The following LARGE1 variants were observed in gnomAD, a reference collection of about 807,000 sequenced individuals.
LARGE1 encodes the protein LARGE xylosyl- and glucuronyltransferase 1.
In LARGE1, 43 loss-of-function variants were observed where a neutral mutation model predicts 87.6. The observed-to-expected ratio is 0.49, with a 90% confidence interval of 0.38 to 0.63. The LOEUF (loss-of-function observed/expected upper bound fraction) is 0.63. LARGE1 is among the 30% of genes least tolerant of loss of function. The probability of loss-of-function intolerance (pLI) is 0.00; values close to 1 mark genes in which losing one functional copy is unlikely to be tolerated. For missense variants in LARGE1, 802 were observed against 1,000.2 expected (o/e 0.80, Z 2.67); for synonymous variants, 434 against 394.6 (o/e 1.10, Z -1.18).
chr22:33,478,982 T>C (rs1330181287), intron 6 of LARGE1, among the ~76,000 whole-genome samples: 2 of 152,146 alleles, frequency 1.3e-5, no homozygotes, highest in Admixed American at 1.3e-4. Context: ...CAAGGATTTT[T>C]ACTGTACAAC....
At chr22:33,489,459 C>G (rs895710968) in intron 6 of LARGE1, among the ~76,000 whole-genome samples, 1 of 152,084 alleles carries the variant, frequency 6.6e-6, no homozygotes, top group African/African-American at 2.4e-5. Context: ...ATTGTAGCTC[C>G]CATAATTTTT....
At chr22:33,111,340 C>G in the LARGE1 span, among the ~76,000 whole-genome samples, 5 of 152,286 alleles carry the variant, frequency 3.3e-5, no homozygotes, top group East Asian at 9.7e-4. Context: ...CTGGCCCCAG[C>G]TAACCCTTTG....
chr22:33,369,889 C>T (rs551385616), intron 9 of LARGE1, among the ~76,000 whole-genome samples: 1 of 151,166 alleles, frequency 6.6e-6, no homozygotes, highest in East Asian at 1.9e-4. Context: ...GACTTTTCTG[C>T]TGGTGTTGAG....
intron 12 of LARGE1, among the ~76,000 whole-genome samples, chr22:33,295,030 A>G (rs1010359430): frequency 6.6e-6 from 1 of 152,238 alleles, no homozygotes; most frequent in Non-Finnish European, 1.5e-5. Context: ...CCTAAAAAAG[A>G]TAACATTTGC....
chr22:33,282,566 CA>C (rs1470347195), intron 13 of LARGE1, among the ~76,000 whole-genome samples: 1 of 152,146 alleles, frequency 6.6e-6, no homozygotes, highest in African/African-American at 2.4e-5. Flanking sequence ...GGACAGGTGA[CA>C]GGGGAGCTCC....
At chr22:33,372,967 G>C (rs987940584) in intron 9 of LARGE1, among the ~76,000 whole-genome samples, 1 of 152,072 alleles carries the variant, frequency 6.6e-6, no homozygotes, top group African/African-American at 2.4e-5. Flanking sequence ...AAAGAAAAGA[G>C]CATTTCCTAT....
exon 12 of LARGE1, chr22:33,164,576 G>A (rs1277106405): frequency 6.6e-6 from 1 of 151,684 alleles, no homozygotes; most frequent in Non-Finnish European, 1.5e-5. Context: ...GGAGTGCAGT[G>A]GCGCGATCTC....
At chr22:33,869,218 C>T (rs896838875) in intron 1 of LARGE1, among the ~76,000 whole-genome samples, 5 of 152,130 alleles carry the variant, frequency 3.3e-5, no homozygotes, top group African/African-American at 9.7e-5. Context: ...TCTTGTCTGT[C>T]GGTTGGCTAC....
At chr22:33,849,765 A>G (rs1053728791) in intron 1 of LARGE1, among the ~76,000 whole-genome samples, 17 of 151,594 alleles carry the variant, frequency 1.1e-4, no homozygotes, top group African/African-American at 4.1e-4. Flanking sequence ...TGCCCAGCTA[A>G]CTTTTTTGTA....
At chr22:33,672,476 A>G (rs1423629223) in intron 2 of LARGE1, among the ~76,000 whole-genome samples, 1 of 152,164 alleles carries the variant, frequency 6.6e-6, no homozygotes, top group Non-Finnish European at 1.5e-5. Context: ...TTCCATGCTC[A>G]GCCAGCCCTG....
chr22:33,443,520 G>C (rs2067569036), intron 6 of LARGE1, among the ~76,000 whole-genome samples: 1 of 152,154 alleles, frequency 6.6e-6, no homozygotes, highest in South Asian at 2.1e-4. Flanking sequence ...ATTTCTTTCA[G>C]TGTTAATCCT....
chr22:33,226,756 G>C (rs920019263), intron 11 of LARGE1, among the ~76,000 whole-genome samples: 2 of 150,742 alleles, frequency 1.3e-5, no homozygotes, highest in Admixed American at 1.3e-4. Flanking sequence ...TTGAGACGGA[G>C]TCCCGCTCTT....
At chr22:33,211,923 A>C (rs558405909) in intron 11 of LARGE1, among the ~76,000 whole-genome samples, 1 of 152,346 alleles carries the variant, frequency 6.6e-6, no homozygotes, top group Admixed American at 6.5e-5. Flanking sequence ...AATCCAGGGC[A>C]AGACCCTAAC....
At chr22:33,372,641 C>T (rs1269296619) in intron 9 of LARGE1, among the ~76,000 whole-genome samples, 1 of 152,136 alleles carries the variant, frequency 6.6e-6, no homozygotes, top group Non-Finnish European at 1.5e-5. Context: ...ATTATTTCCA[C>T]CAGGTCCCTC....
intron 1 of LARGE1, among the ~76,000 whole-genome samples, chr22:33,848,144 G>A (rs987254102): frequency 4.6e-5 from 7 of 152,268 alleles, no homozygotes; most frequent in African/African-American, 1.2e-4. Flanking sequence ...ATCAGGCAGC[G>A]TATTTTTTTT....
intron 2 of LARGE1, among the ~76,000 whole-genome samples, chr22:33,666,141 C>T (rs2081261228): frequency 6.6e-6 from 1 of 152,192 alleles, no homozygotes; most frequent in African/African-American, 2.4e-5. Flanking sequence ...GAAGCAGCAG[C>T]CTTGTTTCAA....
intron 1 of LARGE1, among the ~76,000 whole-genome samples, chr22:33,909,874 G>A (rs2065577757): frequency 6.6e-6 from 1 of 152,120 alleles, no homozygotes; most frequent in South Asian, 2.1e-4. Flanking sequence ...CTTGCTAACA[G>A]AAACCCAAGC....
At chr22:33,921,075 G>A (rs1001801363), upstream of LARGE1, among the ~76,000 whole-genome samples, 12 of 150,268 alleles carry the variant, frequency 8.0e-5, no homozygotes, top group African/African-American at 1.7e-4. This position sits in a 1 kb window ranked among gnomAD's most constrained non-coding sequence, Gnocchi z 4.1. Flanking sequence ...CCGAGCGGGG[G>A]CGGGGCCGGC....
chr22:33,802,067 G>A (rs1292797733), intron 1 of LARGE1, among the ~76,000 whole-genome samples: 1 of 150,826 alleles, frequency 6.6e-6, no homozygotes, highest in Non-Finnish European at 1.5e-5. Flanking sequence ...ACAATCACAT[G>A]TGCAAAGGAA....
Sources: allele counts gnomAD v4.1 joint callset (sites outside exome capture counted in the v4.1 genomes callset), GRCh38; gene constraint gnomAD v4.1.1; non-coding constraint Gnocchi (gnomAD v3.1); transcripts MANE v1.5; gene names NCBI Gene and HGNC (gene_info 2026-07-23, HGNC 2026-07-21).